The following F8 variants were observed in gnomAD, a reference collection of about 807,000 sequenced individuals.
F8 encodes antihemophilic factor.
A neutral mutation model predicts 140.6 loss-of-function variants in F8; 12 were observed. That is an observed-to-expected ratio of 0.09 (90% CI 0.05 to 0.14). The LOEUF is 0.14. Among genes scored for constraint, F8 ranks in the 10% least tolerant of loss-of-function variants. The pLI, the probability that F8 is intolerant of heterozygous loss-of-function variation, is 1.00. For missense variants in F8, 1,354 were observed against 1,720.7 expected (o/e 0.79, Z 3.77); for synonymous variants, 585 against 614.6 (o/e 0.95, Z 0.71).
At chrX:154,898,288 T>A (rs782040098) in intron 21 of F8, among the ~76,000 whole-genome samples, 26 of 111,868 alleles carry the variant, frequency 2.3e-4, no homozygotes, top group Non-Finnish European at 3.6e-4. Context: ...ATGGTTTATT[T>A]TATAAAGTTA....
At chrX:154,865,697 G>GC (rs1164473172) in intron 22 of F8, among the ~76,000 whole-genome samples, 3 of 36,615 alleles carry the variant, frequency 8.2e-5, no homozygotes, top group Non-Finnish European at 1.6e-4. Flanking sequence ...CCCCCCGACC[G>GC]CCCCCCCACA....
intron 22 of F8, among the ~76,000 whole-genome samples, chrX:154,872,158 G>A (rs1557273640): frequency 9.0e-6 from 1 of 111,719 alleles, no homozygotes; most frequent in Non-Finnish European, 1.9e-5. Flanking sequence ...CAAGGATCTA[G>A]AACTAGAAAT....
intron 12 of F8, 89 bp downstream of exon 12, chrX:154,953,803 T>C: frequency 1.3e-5 from 14 of 1,046,158 alleles, no homozygotes; most frequent in Non-Finnish European, 1.7e-5. Flanking sequence ...TATGTGCACA[T>C]ACAATTCATT....
At chrX:154,975,532 G>GT (rs2073480578) in intron 6 of F8, among the ~76,000 whole-genome samples, 1 of 112,401 alleles carries the variant, frequency 8.9e-6, no homozygotes. Context: ...AATGTGAACT[G>GT]TGTAGCTGTT....
intron 1 of F8, among the ~76,000 whole-genome samples, chrX:155,013,721 T>C (rs1228188058): frequency 1.8e-5 from 2 of 111,796 alleles, no homozygotes; most frequent in African/African-American, 6.5e-5. Context: ...TTGGGTGACT[T>C]AAACAACAGA....
chrX:154,846,923 G>A (rs1286083650), intron 25 of F8, among the ~76,000 whole-genome samples: 3 of 112,072 alleles, frequency 2.7e-5, no homozygotes, highest in South Asian at 3.7e-4. Flanking sequence ...GGCTGGTACC[G>A]GTTGTTCCTT....
chrX:154,846,986 C>T (rs1158204945), intron 25 of F8, among the ~76,000 whole-genome samples: 1 of 111,717 alleles, frequency 9.0e-6, no homozygotes, highest in Non-Finnish European at 1.9e-5. Context: ...CTGGTGGTGA[C>T]AAAATCTCTC....
At chrX:154,840,885 C>T (rs1480292870) in intron 25 of F8, among the ~76,000 whole-genome samples, 5 of 112,079 alleles carry the variant, frequency 4.5e-5, no homozygotes, top group African/African-American at 1.3e-4. Context: ...ATGAGCCGTA[C>T]GGCCATGCCT....
chrX:154,902,894 T>A (rs1290437567), intron 18 of F8, among the ~76,000 whole-genome samples: 4 of 112,056 alleles, frequency 3.6e-5, no homozygotes, highest in African/African-American at 1.3e-4. Context: ...AGCACGATCA[T>A]CACAAGGTAC....
At chrX:154,966,363 A>G in intron 8 of F8, 63 bp downstream of exon 8, 1 of 1,181,184 alleles carries the variant, frequency 8.5e-7, no homozygotes, top group Non-Finnish European at 1.1e-6. Flanking sequence ...GTTGGTTTGA[A>G]TAACTGGTAA....
chrX:154,930,072 T>C lies in F8; in HGVS notation c.3718A>G (p.Lys1240Glu). The change falls in exon 14 of 26, where the codon AAG (lysine) becomes GAG (glutamate). Residue 1240 changes from lysine (K) to glutamate (E), a missense_variant. Lys to Glu is a moderately conservative substitution (Grantham distance 56). Transcript: ENST00000360256. ...AAGAAAAGGTTCTTCATGAAATTCT[T>C]AGTGCCAGTCACTGTATGTATCTGA... ...LPQIHTVTGTKNFMKNLFLLS... is the reference protein window; with the variant it reads ...LPQIHTVTGTENFMKNLFLLS... The C allele has an allele frequency of 1.7e-6, 2 of 1,211,711 alleles. No homozygotes were observed. The highest frequency in any genetic ancestry group is 3.5e-5 in the South Asian group (2 of 56,999).
chrX:154,991,638 G>A (rs1557284693), intron 4 of F8, among the ~76,000 whole-genome samples: 1 of 111,660 alleles, frequency 9.0e-6, no homozygotes, highest in African/African-American at 3.3e-5. Context: ...ATGTTTTGAT[G>A]ATCTCATTGT....
At chrX:154,917,887 G>A (rs2073106408) in intron 14 of F8, among the ~76,000 whole-genome samples, 2 of 111,463 alleles carry the variant, frequency 1.8e-5, no homozygotes. Context: ...TTATTGATTT[G>A]AGAGCTACAA....
At chrX:154,843,955 A>G (rs1557271505) in intron 25 of F8, among the ~76,000 whole-genome samples, 1 of 111,272 alleles carries the variant, frequency 9.0e-6, no homozygotes, top group Admixed American at 9.6e-5. Flanking sequence ...TCCATCTTGA[A>G]TTAATTTTTG....
At chrX:154,989,814 C>T (rs2073577751) in intron 4 of F8, among the ~76,000 whole-genome samples, 1 of 112,003 alleles carries the variant, frequency 8.9e-6, no homozygotes, top group Non-Finnish European at 1.9e-5. Flanking sequence ...GCAAATATTC[C>T]AGTATCTGAA....
At chrX:155,001,907 A>G (rs2073648587) in intron 1 of F8, among the ~76,000 whole-genome samples, 2 of 111,828 alleles carry the variant, frequency 1.8e-5, no homozygotes, top group Admixed American at 1.9e-4. Context: ...GTGAGATCCC[A>G]TCTCCAAAAA....
intron 20 of F8, 67 bp downstream of exon 20, chrX:154,901,304 C>T: frequency 4.1e-6 from 3 of 729,381 alleles, no homozygotes; most frequent in Non-Finnish European, 6.6e-6. Context: ...ATCTGAGATT[C>T]TCCACCAGAT....
At chrX:155,008,156 C>T (rs1557286221) in intron 1 of F8, among the ~76,000 whole-genome samples, 1 of 111,371 alleles carries the variant, frequency 9.0e-6, no homozygotes, top group Non-Finnish European at 1.9e-5. Flanking sequence ...GGAGGCAGGT[C>T]TCTGTGAGGA....
At chrX:154,865,349 TA>T (rs1285019934) in intron 22 of F8, among the ~76,000 whole-genome samples, 4 of 103,323 alleles carry the variant, frequency 3.9e-5, no homozygotes, top group East Asian at 3.0e-4. Flanking sequence ...CAAGTTGAAA[TA>T]AAAAAAAAAC....
Sources: allele counts gnomAD v4.1 joint callset (sites outside exome capture counted in the v4.1 genomes callset), GRCh38; gene constraint gnomAD v4.1.1; transcripts MANE v1.5; gene names NCBI Gene and HGNC (gene_info 2026-07-23, HGNC 2026-07-21).